DCUN1D1: variants seen among roughly 807,000 people sequenced by gnomAD.
The protein encoded by DCUN1D1 is DCN1-like protein 1.
Under a neutral mutation model 39.0 loss-of-function variants are expected in DCUN1D1, and 3 were observed. The ratio of observed to expected loss-of-function variants is 0.08; its 90% confidence interval spans 0.04 to 0.20. The LOEUF is 0.20. Among genes scored for constraint, DCUN1D1 ranks in the 10% least tolerant of loss-of-function variants. DCUN1D1 has a pLI of 1.00. For synonymous variants in DCUN1D1, 82 were observed against 96.3 expected (o/e 0.85, Z 0.87); for missense variants, 158 against 302.4 (o/e 0.52, Z 3.54).
At chr3:182,973,918 A>G (rs1728081548) in intron 1 of DCUN1D1, among the ~76,000 whole-genome samples, 1 of 152,220 alleles carries the variant, frequency 6.6e-6, no homozygotes, top group Non-Finnish European at 1.5e-5. Context: ...ATGAAAATTT[A>G]AAAGATTTTC....
In DCUN1D1 at chr3:182,938,195, A is replaced by G. The variant is rs12496582; in HGVS notation, c.*6899T>C. The G allele has an allele frequency of 2.0e-5, 3 of 152,296 alleles. No individual in the cohort carries two copies. In the South Asian group the frequency reaches 6.2e-4, roughly 32 times the overall value. 9.4% of individuals were successfully genotyped at this position (152,296 alleles called of 1,614,324 possible). The stretch of plus-strand genomic sequence containing the variant: ...TTTTTATTAAGTACATCAAAATTTC[A>G]CCTTACATTTGAAATTGCATAGAAA... On this transcript the variant is annotated 3_prime_UTR_variant, in exon 7 of 7. Coordinates refer to ENST00000292782, the MANE Select transcript of DCUN1D1 (RefSeq NM_020640.4).
chr3:182,961,325 T>A lies in DCUN1D1; in HGVS notation c.421A>T (p.Ile141Leu). The A allele has an allele frequency of 1.2e-6, 2 of 1,604,224 alleles. No individual in the cohort carries two copies. The highest frequency in any genetic ancestry group is 2.3e-5 in the South Asian group (2 of 88,400). Residue 141 changes from isoleucine (I) to leucine (L), a missense_variant, in exon 4 of 7, where the codon ATA becomes TTA. Transcript: ENST00000292782. ...TTCAATTCTTGTTCCATCTTGGGTA[T>A]CTGGGCCTTTAGTTTTTCTATGCTG... The part of the protein sequence containing the change: ...CDSIEKLKAQ[I>L]PKMEQELKEP...
At chr3:182,979,600 T>TCCCC (rs1553846258) in intron 1 of DCUN1D1, among the ~76,000 whole-genome samples, 114 of 137,086 alleles carry the variant, frequency 8.3e-4, no homozygotes, top group African/African-American at 3.1e-3. Context: ...GAGGACTTTT[T>TCCCC]CCCCCCCCCA....
chr3:182,961,329 G>A lies in DCUN1D1; in HGVS notation c.417C>T (p.Ala139=), dbSNP rs775772964. 6.2e-7 allele frequency: 1 copy of A among 1,601,480 alleles called. No homozygotes were observed. Among genetic ancestry groups the A allele is most frequent in the Admixed American group, 1.7e-5 (1 of 57,466 alleles). Reference sequence around the variant, plus strand: ...ATTCTTGTTCCATCTTGGGTATCTGGGCCTTTAGTTTTTCTATGCTGTCAC... The same window carrying A: ...ATTCTTGTTCCATCTTGGGTATCTGAGCCTTTAGTTTTTCTATGCTGTCAC... ...LGCDSIEKLK[A]QIPKMEQELK... The change falls in exon 4 of 7, where the codon GCC becomes GCT. Residue 139 remains alanine (A), a synonymous_variant. Transcript: ENST00000292782.
At chr3:182,981,435 G>A (rs1728547164), upstream of DCUN1D1, among the ~76,000 whole-genome samples, 1 of 152,250 alleles carries the variant, frequency 6.6e-6, no homozygotes, top group African/African-American at 2.4e-5. Context: ...ATTCTGAGCT[G>A]AGGATCAAGT....
At chr3:182,980,698 G>A, upstream of DCUN1D1, 2 of 460,052 alleles carry the variant, frequency 4.3e-6, no homozygotes, top group Non-Finnish European at 5.8e-6. Context: ...GCTTCCCCCG[G>A]GCGCGGGGGT....
At chr3:182,976,766 T>C (rs1728261145) in intron 1 of DCUN1D1, among the ~76,000 whole-genome samples, 1 of 152,192 alleles carries the variant, frequency 6.6e-6, no homozygotes, top group South Asian at 2.1e-4. Flanking sequence ...AGTGAGGATT[T>C]TTGTCTCTTC....
upstream of DCUN1D1, among the ~76,000 whole-genome samples, chr3:182,985,156 C>T (rs1309231963): frequency 6.6e-6 from 1 of 152,150 alleles, no homozygotes; most frequent in Admixed American, 6.6e-5. Flanking sequence ...AGGACTAGGC[C>T]TCAGTCAGAG....
At chr3:182,946,643 C>T (rs764200661) in intron 6 of DCUN1D1, among the ~76,000 whole-genome samples, 8 of 146,162 alleles carry the variant, frequency 5.5e-5, no homozygotes, top group Admixed American at 2.0e-4. Context: ...AAAAGAGATA[C>T]AAATAAGTAC....
chr3:182,978,160 C>T (rs563565902), intron 1 of DCUN1D1, among the ~76,000 whole-genome samples: 2 of 141,448 alleles, frequency 1.4e-5, no homozygotes, highest in East Asian at 5.0e-4. Flanking sequence ...AACTTTTTTA[C>T]TTATACAAAG....
chr3:182,977,390 C>T (rs1184356054), intron 1 of DCUN1D1, among the ~76,000 whole-genome samples: 1 of 152,044 alleles, frequency 6.6e-6, no homozygotes, highest in East Asian at 1.9e-4. Context: ...CTTTAGAAAT[C>T]ATCAAGTCCA....
At chr3:182,980,767 C>T (rs1032719678), upstream of DCUN1D1, 242 of 164,640 alleles carry the variant, frequency 1.5e-3, 1 homozygote, top group Middle Eastern at 3.1e-3. Context: ...CGACGCAAGC[C>T]CTCCGCGCGC....
intron 4 of DCUN1D1, chr3:182,956,381 C>A (rs777395980): frequency 9.2e-6 from 2 of 218,470 alleles, no homozygotes; most frequent in Admixed American, 8.3e-5. Context: ...GAAATATCTA[C>A]GGCTAACACA....
At chr3:182,968,585 T>C (rs1337197370) in intron 1 of DCUN1D1, among the ~76,000 whole-genome samples, 1 of 151,630 alleles carries the variant, frequency 6.6e-6, no homozygotes, top group East Asian at 1.9e-4. Flanking sequence ...TAATAAATGA[T>C]ATATATATAT....
At chr3:182,979,223 CATAA>C (rs575710647) in intron 1 of DCUN1D1, among the ~76,000 whole-genome samples, 236 of 152,286 alleles carry the variant, frequency 1.5e-3, no homozygotes, top group African/African-American at 5.5e-3. Context: ...TGCCACAGAA[CATAA>C]GTGTTAAATA....
intron 1 of DCUN1D1, among the ~76,000 whole-genome samples, chr3:182,973,579 C>A (rs548860275): frequency 6.6e-6 from 1 of 152,112 alleles, no homozygotes; most frequent in Admixed American, 6.5e-5. Flanking sequence ...GAGGCCAAGG[C>A]GGGCGGATCA....
At chr3:182,984,351 T>A (rs1728658100), upstream of DCUN1D1, among the ~76,000 whole-genome samples, 1 of 152,224 alleles carries the variant, frequency 6.6e-6, no homozygotes. Flanking sequence ...GATTATTTTT[T>A]AAATGGAAAA....
At chr3:182,952,889 C>G (rs182010770) in intron 4 of DCUN1D1, among the ~76,000 whole-genome samples, 63 of 152,344 alleles carry the variant, frequency 4.1e-4, no homozygotes, top group African/African-American at 1.5e-3. Flanking sequence ...TCTTCTAGTT[C>G]AGCTTTCACT....
At chr3:182,958,029 G>C (rs1016300109) in intron 4 of DCUN1D1, among the ~76,000 whole-genome samples, 5 of 149,764 alleles carry the variant, frequency 3.3e-5, no homozygotes, top group African/African-American at 1.2e-4. Flanking sequence ...CCACAGGGTT[G>C]TCACTCACTC....
Sources: gnomAD v4.1 joint callset for allele counts (sites outside exome capture counted in the v4.1 genomes callset) on GRCh38, gnomAD v4.1.1 for gene constraint, MANE v1.5 for transcripts, NCBI Gene and HGNC (gene_info 2026-07-23, HGNC 2026-07-21) for gene names.